The following APBB2 variants were observed in gnomAD, a reference collection of about 807,000 sequenced individuals.
APBB2 encodes Fe65-like 1.
APBB2 carries 38 observed loss-of-function variants against 82.5 expected under a neutral mutation model. The observed-to-expected ratio is 0.46, with a 90% CI of 0.36 to 0.60. APBB2 has a LOEUF of 0.60. Ranked by LOEUF, APBB2 falls within the 20% of genes least tolerant of loss-of-function variation. The pLI is 0.00. For missense variants in APBB2, 772 were observed against 972.3 expected, an observed-to-expected ratio of 0.79 and a Z score of 2.74; for synonymous variants, 341 against 368.2, an observed-to-expected ratio of 0.93 and a Z score of 0.85.
At chr4:41,061,019 C>T (rs545780652) in intron 4 of APBB2, among the ~76,000 whole-genome samples, 1 of 152,236 alleles carries the variant, frequency 6.6e-6, no homozygotes, top group South Asian at 2.1e-4. Flanking sequence ...CTAGTGGGGA[C>T]ACACTAAACA....
At chr4:41,082,142 G>A (rs918603647) in intron 3 of APBB2, among the ~76,000 whole-genome samples, 7 of 152,126 alleles carry the variant, frequency 4.6e-5, no homozygotes, top group Non-Finnish European at 7.4e-5. Context: ...GTCAGGAGGG[G>A]CCATTTTCTG....
intron 10 of APBB2, among the ~76,000 whole-genome samples, chr4:40,912,789 G>A (rs903351316): frequency 6.6e-6 from 1 of 152,144 alleles, no homozygotes; most frequent in Non-Finnish European, 1.5e-5. Flanking sequence ...CGGAGTCTGA[G>A]TAAGGGCCCA....
chr4:40,892,338 G>A (rs1560812506), intron 11 of APBB2: 1 of 152,188 alleles, frequency 6.6e-6, no homozygotes, highest in Non-Finnish European at 1.5e-5. Context: ...TTTCTTGGAT[G>A]GAAGAAAATT....
At chr4:41,122,179 G>A (rs1753029574) in intron 2 of APBB2, among the ~76,000 whole-genome samples, 1 of 152,024 alleles carries the variant, frequency 6.6e-6, no homozygotes, top group African/African-American at 2.4e-5. Context: ...TCCTGCCTTG[G>A]CCACCCAAAG....
intron 1 of APBB2, among the ~76,000 whole-genome samples, chr4:41,148,551 T>G (rs560440385): frequency 2.0e-5 from 3 of 152,306 alleles, no homozygotes; most frequent in Admixed American, 1.3e-4. Flanking sequence ...AATACAACCA[T>G]GAACACTAAG....
chr4:40,889,720 C>T (rs1771415960), intron 12 of APBB2, among the ~76,000 whole-genome samples: 1 of 152,178 alleles, frequency 6.6e-6, no homozygotes, highest in Admixed American at 6.5e-5. Context: ...GAACTCGTTT[C>T]CAATCATCCT....
At chr4:41,105,510 GT>G (rs1746865074) in intron 2 of APBB2, among the ~76,000 whole-genome samples, 2 of 152,118 alleles carry the variant, frequency 1.3e-5, no homozygotes, top group Admixed American at 6.6e-5. Context: ...CACAATGATT[GT>G]TTTGGAAATT....
intron 6 of APBB2, among the ~76,000 whole-genome samples, chr4:40,974,633 C>G (rs996645438): frequency 6.6e-6 from 1 of 152,226 alleles, no homozygotes; most frequent in African/African-American, 2.4e-5. Flanking sequence ...CATCCAATTT[C>G]AGGCATATCT....
chr4:40,873,437 G>A (rs1189202763), intron 12 of APBB2, among the ~76,000 whole-genome samples: 5 of 152,102 alleles, frequency 3.3e-5, no homozygotes, highest in South Asian at 2.1e-4. Flanking sequence ...CTTCTCTTAC[G>A]TCAATGAAGA....
chr4:41,190,333 C>A (rs1171085429), intron 1 of APBB2, among the ~76,000 whole-genome samples: 1 of 143,496 alleles, frequency 7.0e-6, no homozygotes, highest in Non-Finnish European at 1.5e-5. Context: ...CTCACTGCAA[C>A]CTCCACCTCC....
At chr4:41,200,346 T>TC (rs1349406695) in intron 1 of APBB2, among the ~76,000 whole-genome samples, 1 of 152,142 alleles carries the variant, frequency 6.6e-6, no homozygotes, top group African/African-American at 2.4e-5. Flanking sequence ...AAAGGATAAT[T>TC]CAATAATTTT....
Position 40,821,977 on chromosome 4 carries a change from G to A in APBB2, c.2006C>T (p.Thr669Ile), listed in dbSNP as rs773104241. The A allele has an allele frequency of 1.1e-5, 17 of 1,614,038 alleles. No individual in the cohort carries two copies. In the African/African-American group the frequency reaches 1.5e-4, roughly 14 times the overall value. ...CCCCGTGTCCATGATGAAGGCAAAT[G>A]TGTGGACGTCCTTCCCAACACCCAT... ...SFMGVGKDVH[T>I]FAFIMDTGNQ... Residue 669 changes from threonine to isoleucine, a missense_variant, in exon 17 of 18, where the codon ACA becomes ATA. Transcript: ENST00000508593.
intron 10 of APBB2, among the ~76,000 whole-genome samples, chr4:40,908,272 A>G (rs955340671): frequency 6.6e-6 from 1 of 152,124 alleles, no homozygotes; most frequent in Admixed American, 6.5e-5. Flanking sequence ...TAACTGTGAG[A>G]AAAGAACGTT....
chr4:40,851,516 G>C (rs866668713), intron 12 of APBB2, among the ~76,000 whole-genome samples: 2 of 151,962 alleles, frequency 1.3e-5, no homozygotes, highest in African/African-American at 4.8e-5. Context: ...GACAGAATCA[G>C]GCCAACTTGG....
chr4:40,938,757 G>A (rs1254734384), intron 7 of APBB2, among the ~76,000 whole-genome samples: 1 of 152,214 alleles, frequency 6.6e-6, no homozygotes, highest in African/African-American at 2.4e-5. Flanking sequence ...ATTCCACAGT[G>A]GCAGTGACAG....
chr4:40,912,022 T>C (rs1207718854), intron 10 of APBB2, among the ~76,000 whole-genome samples: 1 of 152,240 alleles, frequency 6.6e-6, no homozygotes, highest in African/African-American at 2.4e-5. Flanking sequence ...GGACTATTCC[T>C]GCACTCAGCG....
At chr4:40,866,400 T>C (rs767600848) in intron 12 of APBB2, among the ~76,000 whole-genome samples, 8 of 152,094 alleles carry the variant, frequency 5.3e-5, no homozygotes, top group Non-Finnish European at 7.4e-5. Context: ...AAGCAGGAGC[T>C]TACCCGATGA....
chr4:40,989,056 G>A (rs1372046481), intron 6 of APBB2, among the ~76,000 whole-genome samples: 3 of 152,078 alleles, frequency 2.0e-5, no homozygotes, highest in African/African-American at 7.2e-5. Context: ...ACTGCGCCTG[G>A]CCCCAGAGTA....
At chr4:40,898,630 T>C (rs1284610546) in intron 10 of APBB2, among the ~76,000 whole-genome samples, 1 of 149,198 alleles carries the variant, frequency 6.7e-6, no homozygotes, top group Non-Finnish European at 1.5e-5. Context: ...TTCTCTAGTT[T>C]AACAGATTTC....
Sources: allele counts gnomAD v4.1 joint callset (sites outside exome capture counted in the v4.1 genomes callset), GRCh38; gene constraint gnomAD v4.1.1; transcripts MANE v1.5; gene names NCBI Gene and HGNC (gene_info 2026-07-23, HGNC 2026-07-21).